The following ZNF831 variants were observed in gnomAD, a reference collection of about 807,000 sequenced individuals.
The protein encoded by ZNF831 is zinc finger protein 831, also known as chromosome 20 open reading frame 174.
ZNF831 carries 59 observed loss-of-function variants against 95.8 expected under a neutral mutation model. The observed-to-expected ratio is 0.62, with a 90% CI of 0.50 to 0.77. The LOEUF is 0.77. Among genes scored for constraint, ZNF831 ranks in the 30% least tolerant of loss-of-function variants. The probability of loss-of-function intolerance (pLI) is 0.00; values close to 1 mark genes in which losing one functional copy is unlikely to be tolerated. For missense variants in ZNF831, 2,205 were observed against 2,164.0 expected (o/e 1.02, Z -0.38); for synonymous variants, 961 against 925.5 (o/e 1.04, Z -0.70).
intron 4 of ZNF831, among the ~76,000 whole-genome samples, chr20:59,233,959 C>T (rs749189786): frequency 2.6e-5 from 4 of 152,194 alleles, no homozygotes; most frequent in Non-Finnish European, 5.9e-5. Flanking sequence ...AAAACAACCC[C>T]GATGGGCCAT....
chr20:59,230,821 C>T (rs1216631660), intron 4 of ZNF831, among the ~76,000 whole-genome samples: 1 of 152,228 alleles, frequency 6.6e-6, no homozygotes, highest in Non-Finnish European at 1.5e-5. Context: ...AAGTACAATA[C>T]AGTTTTGGCA....
At chr20:59,213,966 T>C (rs1479853269) in intron 4 of ZNF831, among the ~76,000 whole-genome samples, 1 of 152,220 alleles carries the variant, frequency 6.6e-6, no homozygotes, top group Non-Finnish European at 1.5e-5. Context: ...TGAGGTTTGT[T>C]TCCAAAGCTG....
intron 1 of ZNF831, among the ~76,000 whole-genome samples, chr20:59,177,783 A>C (rs1198106637): frequency 6.6e-6 from 1 of 152,208 alleles, no homozygotes; most frequent in Admixed American, 6.5e-5. Flanking sequence ...GCAGAGCAGA[A>C]GCGTGCAAGC....
intron 1 of ZNF831, among the ~76,000 whole-genome samples, chr20:59,165,081 T>A (rs1028823433): frequency 6.6e-6 from 1 of 152,156 alleles, no homozygotes; most frequent in Non-Finnish European, 1.5e-5. Context: ...AGAGAACACT[T>A]AGGTTCTGTG....
chr20:59,233,236 G>A (rs1019687268), intron 4 of ZNF831, among the ~76,000 whole-genome samples: 2 of 152,142 alleles, frequency 1.3e-5, no homozygotes, highest in African/African-American at 4.8e-5. Context: ...AGAGGCTCAG[G>A]AGCTGTTGTC....
At chr20:59,152,724 G>A (rs550952592) in intron 2 of ZNF831, among the ~76,000 whole-genome samples, 3 of 152,262 alleles carry the variant, frequency 2.0e-5, no homozygotes, top group South Asian at 2.1e-4. Flanking sequence ...AATGGAAAGA[G>A]CACTTCAGGC....
chr20:59,238,238 C>T (rs1037178011), intron 4 of ZNF831, among the ~76,000 whole-genome samples: 2 of 152,150 alleles, frequency 1.3e-5, no homozygotes, highest in Non-Finnish European at 2.9e-5. Flanking sequence ...CCTGCTCAGT[C>T]GGCCTGGGGC....
chr20:59,155,310 A>G (rs1047055027), intron 2 of ZNF831, among the ~76,000 whole-genome samples: 2 of 152,236 alleles, frequency 1.3e-5, no homozygotes, highest in Admixed American at 1.3e-4. Flanking sequence ...ACTTGTTAGC[A>G]GGCAGGAAAG....
rs6092758 is a variant in ZNF831, at chr20:59,251,999, T to G, written c.4028-979T>G. 1.7e-3 allele frequency among the ~76,000 whole-genome samples: 265 copies of G among 152,200 alleles called. 1 individual carries two copies. The highest frequency in any genetic ancestry group is 6.2e-3 in the African/African-American group (256 of 41,532). On this transcript the variant is annotated intron_variant, in intron 4 of 5. Coordinates refer to ENST00000371030, the MANE Select transcript of ZNF831 (RefSeq NM_178457.3). ...GATAGAGAGGTGGAATGTGTGCTTG[T>G]GTGGGGGGTCATGAAGTTTGAAGAG... is the stretch of plus-strand genomic sequence containing the variant.
chr20:59,126,982 G>C (rs1979192265), intron 1 of ZNF831, among the ~76,000 whole-genome samples: 2 of 152,044 alleles, frequency 1.3e-5, no homozygotes, highest in Non-Finnish European at 2.9e-5. Context: ...TTTCTGCCTG[G>C]GTTGCTGCCC....
intron 4 of ZNF831, among the ~76,000 whole-genome samples, chr20:59,231,891 G>A (rs1371285057): frequency 2.6e-5 from 4 of 152,154 alleles, no homozygotes. Context: ...ATTATATGGT[G>A]AGCTACGGTA....
At chr20:59,196,149 T>G in intron 3 of ZNF831, 144 bp downstream of exon 3, 1 of 1,183,424 alleles carries the variant, frequency 8.5e-7, no homozygotes, top group Non-Finnish European at 1.1e-6. Context: ...TGAATTTGTT[T>G]CCCACCCCTT....
In ZNF831 at chr20:59,191,979, G is replaced by A. The variant is rs750666279; in HGVS notation, c.960G>A (p.Ala320=). Residue 320 remains alanine (A), a synonymous_variant, in exon 2 of 6, where the codon GCG becomes GCA. Transcript: ENST00000371030. ...GKPCALQRQQ[A]TAAEKPWDAK... is the part of the protein sequence containing the mutation. ...CGTGCGCCCTGCAGCGGCAGCAGGC[G>A]ACGGCAGCGGAGAAGCCCTGGGATG... The A allele has an allele frequency of 6.2e-7, 1 of 1,606,688 alleles. No individual in the cohort carries two copies. Among genetic ancestry groups the A allele is most frequent in the East Asian group, 2.2e-5 (1 of 44,692 alleles).
rs1983840299 is a variant in ZNF831 at position 59,193,888 on chromosome 20, C to A, written c.2869C>A (p.Pro957Thr). The A allele has an allele frequency of 2.5e-6, 4 of 1,607,910 alleles. No individual in the cohort carries two copies. In the East Asian group the frequency reaches 8.9e-5, roughly 36 times the overall value. ...AGAGACCCCCTTACCACTGCCCATT[C>A]CCTGGGGACCAAGGCACAGCCAGGA... ...QAETPLPLPI[P>T]WGPRHSQDSL... The change falls in exon 2 of 6, where the codon CCC becomes ACC. Residue 957 changes from proline (P) to threonine (T), a missense_variant. By Grantham distance (38) the Pro-to-Thr change is conservative. Coordinates refer to ENST00000371030, the MANE Select transcript of ZNF831 (RefSeq NM_178457.3).
intron 4 of ZNF831, among the ~76,000 whole-genome samples, chr20:59,218,229 G>A (rs543653273): frequency 1.3e-5 from 2 of 152,174 alleles, no homozygotes; most frequent in African/African-American, 2.4e-5. Context: ...CCAGACTCCC[G>A]GGATAAAATG....
intron 1 of ZNF831, among the ~76,000 whole-genome samples, chr20:59,180,312 T>C (rs1982512426): frequency 6.6e-6 from 1 of 152,140 alleles, no homozygotes; most frequent in South Asian, 2.1e-4. Context: ...GGTCTCAAGC[T>C]CCCAGGCTCA....
rs1246491955 is a variant in ZNF831, at chr20:59,258,117, C to A, written c.*3374C>A. On this transcript the variant is annotated 3_prime_UTR_variant, in exon 6 of 6. Coordinates refer to ENST00000371030, the MANE Select transcript of ZNF831 (RefSeq NM_178457.3). Reference sequence around the variant, plus strand: ...TGAGATTTGAGACAAAGCTAATAATCCCCTTTGGTTCACATCTCACAGTAA... The same window carrying A: ...TGAGATTTGAGACAAAGCTAATAATACCCTTTGGTTCACATCTCACAGTAA... 4 of 56,258 alleles carry A rather than the reference C, an allele frequency of 7.1e-5. No individual in the cohort carries two copies. Among genetic ancestry groups the A allele is most frequent in the African/African-American group, 1.4e-4 (1 of 7,352 alleles). 3.5% of individuals were successfully genotyped at this position (56,258 alleles called of 1,614,324 possible). A position where few individuals can be genotyped will look rare whatever the true frequency, so the allele number is the denominator to read the frequency against.
chr20:59,159,735 T>C (rs1031266818), upstream of ZNF831: 4 of 152,452 alleles, frequency 2.6e-5, no homozygotes, highest in South Asian at 8.3e-4. Flanking sequence ...GGGAACCAGC[T>C]TCAGTGGAAA....
Position 59,180,049 on chromosome 20 carries a change from C to A in ZNF831, c.-36-10935C>A, listed in dbSNP as rs574193760. On this transcript the variant is annotated intron_variant, in intron 1 of 5. Coordinates refer to ENST00000371030, the MANE Select transcript of ZNF831 (RefSeq NM_178457.3). ...AGAGTGAAGGTAATTTTGAAAAACT[C>A]TTCACTCTCATAAACAATATCTGGC... 2.6e-5 allele frequency among the ~76,000 whole-genome samples: 4 copies of A among 152,268 alleles called. No homozygotes were observed. The South Asian group carries it at 8.3e-4, about 32-fold the overall frequency.
Sources: allele counts gnomAD v4.1 joint callset (sites outside exome capture counted in the v4.1 genomes callset), GRCh38; gene constraint gnomAD v4.1.1; transcripts MANE v1.5; gene names NCBI Gene and HGNC (gene_info 2026-07-23, HGNC 2026-07-21).